BCAS3: variants seen among roughly 807,000 people sequenced by gnomAD.
BCAS3 encodes BCAS3 microtubule associated cell migration factor.
Under a neutral mutation model 116.1 loss-of-function variants are expected in BCAS3, and 53 were observed. The observed-to-expected ratio is 0.46, with a 90% CI of 0.37 to 0.57. The LOEUF (loss-of-function observed/expected upper bound fraction) is 0.57, where lower values mean the gene tolerates loss of function less well. BCAS3 is among the 20% of genes least tolerant of loss of function. The pLI, the probability that BCAS3 is intolerant of heterozygous loss-of-function variation, is 0.00. For synonymous variants in BCAS3, 391 were observed against 408.2 expected (o/e 0.96, Z 0.51); for missense variants, 917 against 1,165.4 (o/e 0.79, Z 3.10).
At chr17:60,780,692 T>G (rs1037433559) in intron 6 of BCAS3, among the ~76,000 whole-genome samples, 8 of 152,190 alleles carry the variant, frequency 5.3e-5, no homozygotes, top group African/African-American at 1.9e-4. Flanking sequence ...TTGATACGAA[T>G]TTTTGATAAT....
At chr17:60,782,641 A>C (rs1160498605) in intron 6 of BCAS3, among the ~76,000 whole-genome samples, 1 of 151,258 alleles carries the variant, frequency 6.6e-6, no homozygotes, top group Non-Finnish European at 1.5e-5. Flanking sequence ...ACTGGAGTGC[A>C]GTGGTGTGAT....
chr17:60,986,206 G>A (rs553056237), intron 14 of BCAS3, among the ~76,000 whole-genome samples: 122 of 152,252 alleles, frequency 8.0e-4, no homozygotes, highest in Non-Finnish European at 1.4e-3. Flanking sequence ...ACTCCATTGC[G>A]TATATATACC....
Position 60,779,241 on chromosome 17 carries a change from G to A in BCAS3, c.404-28763G>A, listed in dbSNP as rs190652062. 1.5e-4 allele frequency among the ~76,000 whole-genome samples: 23 copies of A among 151,984 alleles called. 1 individual carries two copies. The East Asian group carries it at 4.1e-3, about 27-fold the overall frequency. On this transcript the variant is annotated intron_variant, in intron 6 of 23. Coordinates refer to ENST00000407086, the MANE Select transcript of BCAS3 (RefSeq NM_017679.5). The stretch of plus-strand genomic sequence containing the variant: ...AGAACTTTTTGAGTGCTGACATGAT[G>A]CCACAAGTGGAAAATTCCACACATA...
Position 61,123,196 on chromosome 17 carries a change from G to A in BCAS3, c.2425+38632G>A, listed in dbSNP as rs964454696. ...GACCTTAGGTGACCCACCCACCTTG[G>A]CCTCCCAAGGTGCTAGGATTACAGG... On this transcript the variant is annotated intron_variant, in intron 22 of 23. Coordinates refer to ENST00000407086, the MANE Select transcript of BCAS3 (RefSeq NM_017679.5). Among the ~76,000 whole-genome samples the A allele has an allele frequency of 5.3e-5, 8 of 151,912 alleles. No homozygotes were observed. The East Asian group carries it at 1.5e-3, about 29-fold the overall frequency.
chr17:61,275,940 T>C (rs946526750), intron 22 of BCAS3, among the ~76,000 whole-genome samples: 4 of 152,216 alleles, frequency 2.6e-5, no homozygotes, highest in South Asian at 2.1e-4. Context: ...ATTAGCTAAA[T>C]TGATACAGTA....
At chr17:61,295,681 G>A (rs909435460) in intron 22 of BCAS3, among the ~76,000 whole-genome samples, 8 of 151,950 alleles carry the variant, frequency 5.3e-5, no homozygotes, top group African/African-American at 1.9e-4. Context: ...GGCGGGGCGC[G>A]GTGGCTCATG....
rs1010323050 is a variant in BCAS3, at chr17:61,020,750, A to T, written c.1637+4849A>T. 6.6e-6 allele frequency among the ~76,000 whole-genome samples: 1 copy of T among 152,210 alleles called. No individual in the cohort carries two copies. Among genetic ancestry groups the T allele is most frequent in the Non-Finnish European group, 1.5e-5 (1 of 68,044 alleles). On this transcript the variant is annotated intron_variant, in intron 16 of 23. Transcript: ENST00000407086. The surrounding 1 kb of genome is among the most constrained non-coding windows in gnomAD (Gnocchi z 4.5). ...AAAAATATTTTCTATGTAACAATTC[A>T]CAAAAAAATGTTCATCAATGAGCTT...
rs1261046242 is a variant in BCAS3 at position 61,130,026 on chromosome 17, A to G, written c.2425+45462A>G. ...TTTTTGTTTATAAAGGCAATGTTGT[A>G]TTCCACAGCATCATTACACACTGCT... On this transcript the variant is annotated intron_variant, in intron 22 of 23. Transcript: ENST00000407086. The surrounding 1 kb of genome is among the most constrained non-coding windows in gnomAD (Gnocchi z 5.0). Among the ~76,000 whole-genome samples the G allele has an allele frequency of 2.0e-5, 3 of 152,198 alleles. No individual in the cohort carries two copies. Among genetic ancestry groups the G allele is most frequent in the Non-Finnish European group, 2.9e-5 (2 of 68,030 alleles).
rs559075170 is a variant in BCAS3, at chr17:60,693,629, T to C, written c.214+3868T>C. Among the ~76,000 whole-genome samples the C allele has an allele frequency of 2.6e-5, 4 of 151,474 alleles. No homozygotes were observed. The East Asian group carries it at 5.8e-4, about 22-fold the overall frequency. On this transcript the variant is annotated intron_variant, in intron 4 of 23. Transcript: ENST00000407086. ...GGTCTCACCATGTTCCCTAAACTGG[T>C]CTCAAACTCCTGGGCTCAAGCAGTC...
rs1174498748 is a variant in BCAS3 at position 61,233,911 on chromosome 17, CTTCCAGCTGTGGCA to C, written c.2426-134410_2426-134397del. Among the ~76,000 whole-genome samples the C allele has an allele frequency of 2.6e-5, 4 of 151,754 alleles. No homozygotes were observed. In the East Asian group the frequency reaches 7.7e-4, roughly 29 times the overall value. The stretch of plus-strand genomic sequence containing the variant: ...TCTAGTTGAGCTTTCTTTAAGAGGT[CTTCCAGCTGTGGCA>C]TTCCATCCATTATTCTAATTAATGT... On this transcript the variant is annotated intron_variant, in intron 22 of 23. Coordinates refer to ENST00000407086, the MANE Select transcript of BCAS3 (RefSeq NM_017679.5). The surrounding 1 kb of genome is among the most constrained non-coding windows in gnomAD (Gnocchi z 4.3).
intron 22 of BCAS3, among the ~76,000 whole-genome samples, chr17:61,096,569 T>G (rs1442008231): frequency 1.3e-5 from 2 of 152,132 alleles, no homozygotes; most frequent in East Asian, 3.9e-4. Flanking sequence ...AAACAAAAAA[T>G]GAACTTGTTT....
intron 22 of BCAS3, among the ~76,000 whole-genome samples, chr17:61,138,856 T>A (rs1303456502): frequency 1.3e-5 from 2 of 152,212 alleles, no homozygotes; most frequent in African/African-American, 4.8e-5. Context: ...TGTCTTGGAA[T>A]ATTTTTTTTC....
At chr17:60,772,572 G>A (rs536050615) in intron 6 of BCAS3, among the ~76,000 whole-genome samples, 1 of 152,098 alleles carries the variant, frequency 6.6e-6, no homozygotes, top group South Asian at 2.1e-4. Context: ...TTTGAGTGAC[G>A]GATATCTTTA....
rs919047480 is a variant in BCAS3, at chr17:61,214,623, G to A, written c.2425+130059G>A. On this transcript the variant is annotated intron_variant, in intron 22 of 23. Transcript: ENST00000407086. The surrounding 1 kb of genome is among the most constrained non-coding windows in gnomAD (Gnocchi z 4.4). ...GAAGAACAGCATGAACCTGGGAGGC[G>A]GAGCTTGCAGTGAGCCGAGATCGCG... Among the ~76,000 whole-genome samples, 4 of 151,944 alleles carry A rather than the reference G, an allele frequency of 2.6e-5. No homozygotes were observed. The highest frequency in any genetic ancestry group is 4.4e-5 in the Non-Finnish European group (3 of 67,972).
Position 61,392,225 on chromosome 17 carries a change from T to C in BCAS3, c.*100T>C. 7.2e-7 allele frequency: 1 copy of C among 1,380,496 alleles called. No individual in the cohort carries two copies. Among genetic ancestry groups the C allele is most frequent in the Non-Finnish European group, 9.8e-7 (1 of 1,017,102 alleles). 85.5% of individuals were successfully genotyped at this position (1,380,496 alleles called of 1,614,324 possible). A position where few individuals can be genotyped will look rare whatever the true frequency, so the allele number is the denominator to read the frequency against. ...CCCTTCAGTCTCTGCTCTTCCTTCA[T>C]CAACCACCTTCCCCAAGCTTAGTGA... On this transcript the variant is annotated 3_prime_UTR_variant, in exon 24 of 24. Transcript: ENST00000407086. This position sits in a 1 kb window ranked among gnomAD's most constrained non-coding sequence, Gnocchi z 6.4.
At chr17:61,312,733 C>T (rs752413459) in intron 22 of BCAS3, among the ~76,000 whole-genome samples, 1 of 152,138 alleles carries the variant, frequency 6.6e-6, no homozygotes, top group East Asian at 1.9e-4. Context: ...AGGAAGCCAT[C>T]GGTATTTCTG....
chr17:60,971,777 C>G (rs770581932), intron 14 of BCAS3, among the ~76,000 whole-genome samples: 1 of 152,160 alleles, frequency 6.6e-6, no homozygotes, highest in Non-Finnish European at 1.5e-5. Flanking sequence ...ATTTGAATAG[C>G]GGTCCCTGTT....
At chr17:60,784,771 A>G (rs1030516510) in intron 6 of BCAS3, among the ~76,000 whole-genome samples, 2 of 152,056 alleles carry the variant, frequency 1.3e-5, no homozygotes, top group Non-Finnish European at 2.9e-5. Context: ...GCGTTTCTGG[A>G]AAGTAACTCA....
At chr17:61,154,204 G>GGGAA (rs1174254754) in intron 22 of BCAS3, among the ~76,000 whole-genome samples, 2 of 152,142 alleles carry the variant, frequency 1.3e-5, no homozygotes, top group South Asian at 4.1e-4. Context: ...AAGGAAGGGA[G>GGGAA]GGAAGGAAGA....
Sources: gnomAD v4.1 joint callset for allele counts (sites outside exome capture counted in the v4.1 genomes callset) on GRCh38, gnomAD v4.1.1 for gene constraint, Gnocchi (gnomAD v3.1) non-coding constraint, MANE v1.5 for transcripts, NCBI Gene and HGNC (gene_info 2026-07-23, HGNC 2026-07-21) for gene names.